The following CDYL variants were observed in gnomAD, a reference collection of about 807,000 sequenced individuals.
CDYL encodes chromodomain Y like.
A neutral mutation model predicts 47.3 loss-of-function variants in CDYL; 8 were observed. That is an observed-to-expected ratio of 0.17 (90% confidence interval 0.10 to 0.31). The LOEUF (loss-of-function observed/expected upper bound fraction) is 0.31, where lower values mean the gene tolerates loss of function less well. Ranked by LOEUF, CDYL falls within the 10% of genes least tolerant of loss-of-function variation. CDYL has a pLI of 1.00. For missense variants in CDYL, 471 were observed against 701.4 expected, an observed-to-expected ratio of 0.67 and a Z score of 3.71; for synonymous variants, 266 against 265.0, an observed-to-expected ratio of 1.00 and a Z score of -0.04.
upstream of CDYL, among the ~76,000 whole-genome samples, chr6:4,773,921 A>C (rs1002054979): frequency 6.6e-6 from 1 of 152,234 alleles, no homozygotes; most frequent in Admixed American, 6.5e-5. The surrounding 1 kb of genome is among the most constrained non-coding windows in gnomAD (Gnocchi z 4.6). Flanking sequence ...TTTTGAGGCT[A>C]TAATTCTTCC....
At chr6:4,860,786 G>A (rs1476572663) in intron 1 of CDYL, among the ~76,000 whole-genome samples, 4 of 151,814 alleles carry the variant, frequency 2.6e-5, no homozygotes, top group Non-Finnish European at 4.4e-5. Context: ...GATGTTCAAG[G>A]GCAGGAAACA....
Position 4,890,658 on chromosome 6 carries a change from T to G in CDYL, c.25-1055T>G, listed in dbSNP as rs200590695. Among the ~76,000 whole-genome samples the G allele has an allele frequency of 8.5e-5, 13 of 152,330 alleles. 1 individual carries two copies. In the East Asian group the frequency reaches 1.3e-3, roughly 16 times the overall value. On this transcript the variant is annotated intron_variant, in intron 1 of 6. Transcript: ENST00000397588. The stretch of plus-strand genomic sequence containing the variant: ...ACTTCTACTCATTAGGCTCGAGTAT[T>G]TGGGGATGTTAGAGAACCAGGCATG...
At position 4,909,736 on chromosome 6, in the gene CDYL, A is replaced by AT. The variant is rs879622297; in HGVS notation, c.691+17370dup. On this transcript the variant is annotated intron_variant, in intron 2 of 6. Coordinates refer to ENST00000397588, the MANE Select transcript of CDYL (RefSeq NM_004824.4). ...CAGGCTCCCACCACCACGCCTGGCT[A>AT]TTTTTTTTTTTTTATTTTTAGTAGA... Among the ~76,000 whole-genome samples the AT allele has an allele frequency of 4.5e-3, 644 of 142,224 alleles. 1 individual carries two copies. The highest frequency in any genetic ancestry group is 0.013 in the African/African-American group (512 of 38,940). The allele number at this position is 142,224 out of a possible 152,430, so 93.3% of individuals were successfully genotyped here. A position where few individuals can be genotyped will look rare whatever the true frequency, so the allele number is the denominator to read the frequency against.
chr6:4,838,303 C>G (rs1014939977), intron 1 of CDYL, among the ~76,000 whole-genome samples: 3 of 151,872 alleles, frequency 2.0e-5, no homozygotes, highest in East Asian at 3.9e-4. Context: ...TATCCCTCAC[C>G]CCCCTCCCAC....
chr6:4,829,056 C>T (rs1360323868), intron 1 of CDYL, among the ~76,000 whole-genome samples: 2 of 152,186 alleles, frequency 1.3e-5, no homozygotes, highest in Non-Finnish European at 2.9e-5. Flanking sequence ...TTAAGACAGT[C>T]TGCCTGGGTT....
chr6:4,799,687 G>A (rs1759172108), intron 1 of CDYL, among the ~76,000 whole-genome samples: 1 of 152,116 alleles, frequency 6.6e-6, no homozygotes, highest in Non-Finnish European at 1.5e-5. Context: ...TGCCTGCCTT[G>A]CTCGGCTCCC....
intron 2 of CDYL, among the ~76,000 whole-genome samples, chr6:4,927,080 C>T (rs1035509505): frequency 6.6e-6 from 1 of 152,196 alleles, no homozygotes; most frequent in Non-Finnish European, 1.5e-5. Context: ...TAATTAATTT[C>T]ACTGTTTCCT....
chr6:4,780,399 C>CA (rs1491121185), intron 1 of CDYL, among the ~76,000 whole-genome samples: 1 of 25,126 alleles, frequency 4.0e-5, no homozygotes, highest in Non-Finnish European at 6.6e-5. Flanking sequence ...CCCGCCTACG[C>CA]CCCCCCCCCC....
At chr6:4,922,772 C>G (rs1344474977) in intron 2 of CDYL, among the ~76,000 whole-genome samples, 2 of 152,198 alleles carry the variant, frequency 1.3e-5, no homozygotes, top group South Asian at 4.1e-4. Context: ...TTGAGTTACC[C>G]TGAATATCCT....
chr6:4,939,867 G>A (rs1219040799), intron 4 of CDYL, among the ~76,000 whole-genome samples: 1 of 152,180 alleles, frequency 6.6e-6, no homozygotes, highest in African/African-American at 2.4e-5. Flanking sequence ...ATAATATTGT[G>A]CTTTTTGGTA....
intron 1 of CDYL, among the ~76,000 whole-genome samples, chr6:4,791,903 G>A (rs1260808410): frequency 7.0e-6 from 1 of 143,444 alleles, no homozygotes; most frequent in Non-Finnish European, 1.5e-5. Context: ...TTTTTTTTGA[G>A]ACGGAGTCTT....
At chr6:4,723,981 G>C (rs1159941228) in intron 2 of CDYL, among the ~76,000 whole-genome samples, 1 of 152,156 alleles carries the variant, frequency 6.6e-6, no homozygotes, top group South Asian at 2.1e-4. Context: ...TTATGTATCC[G>C]TGAAATTATT....
intron 1 of CDYL, among the ~76,000 whole-genome samples, chr6:4,863,151 G>T (rs1299911613): frequency 6.6e-6 from 1 of 152,264 alleles, no homozygotes; most frequent in Non-Finnish European, 1.5e-5. Context: ...TAAACAGTGG[G>T]TACGCATGGA....
intron 2 of CDYL, among the ~76,000 whole-genome samples, chr6:4,901,244 A>G (rs1561697966): frequency 1.3e-5 from 2 of 152,132 alleles, no homozygotes; most frequent in Non-Finnish European, 1.5e-5. Flanking sequence ...TACAAGGACA[A>G]AGGGGGGGAA....
At chr6:4,784,197 C>T (rs1407365077) in intron 1 of CDYL, among the ~76,000 whole-genome samples, 2 of 152,108 alleles carry the variant, frequency 1.3e-5, no homozygotes, top group Admixed American at 6.5e-5. Flanking sequence ...GGAGTTTTTA[C>T]CTAATCTGCA....
At chr6:4,858,280 A>T (rs574156315) in intron 1 of CDYL, among the ~76,000 whole-genome samples, 4 of 152,348 alleles carry the variant, frequency 2.6e-5, no homozygotes, top group African/African-American at 9.6e-5. Flanking sequence ...AACTCGGAAA[A>T]ATCTAAGACT....
rs79923049 is a variant in CDYL at position 4,746,595 on chromosome 6, C to T, written c.186+11751C>T. ...TAAGCCTGGTGGCTGAGAGAGGAGGCGGGGTCAGGCCCAATGTCCAGGTAC... is the reference window on the plus strand; with the variant it reads ...TAAGCCTGGTGGCTGAGAGAGGAGGTGGGGTCAGGCCCAATGTCCAGGTAC... On this transcript the variant is annotated intron_variant, in intron 3 of 8. Transcript: ENST00000328908. 5.1e-3 allele frequency among the ~76,000 whole-genome samples: 773 copies of T among 152,152 alleles called. 6 individuals are homozygous for T. The highest frequency in any genetic ancestry group is 0.017 in the African/African-American group (721 of 41,522).
intron 2 of CDYL, among the ~76,000 whole-genome samples, chr6:4,897,100 T>C (rs1249898025): frequency 2.0e-5 from 3 of 152,272 alleles, no homozygotes; most frequent in African/African-American, 7.2e-5. Context: ...TTCTTGCTCT[T>C]TTAATTCCCT....
chr6:4,799,030 G>A (rs937971776), intron 1 of CDYL, among the ~76,000 whole-genome samples: 9 of 152,022 alleles, frequency 5.9e-5, no homozygotes, highest in African/African-American at 1.9e-4. Context: ...GGAAGTTTAG[G>A]CCATTGCTGT....
Sources: allele counts gnomAD v4.1 joint callset (sites outside exome capture counted in the v4.1 genomes callset), GRCh38; gene constraint gnomAD v4.1.1; non-coding constraint Gnocchi (gnomAD v3.1); transcripts MANE v1.5; gene names NCBI Gene and HGNC (gene_info 2026-07-23, HGNC 2026-07-21).